BPIFB3: variants seen among roughly 807,000 people sequenced by gnomAD.
BPIFB3 encodes the protein BPI fold containing family B member 3.
Under a neutral mutation model 53.1 loss-of-function variants are expected in BPIFB3, and 49 were observed. The ratio of observed to expected loss-of-function variants is 0.92; its 90% CI spans 0.73 to 1.17. The LOEUF is 1.17. Ranked by LOEUF, BPIFB3 falls within the 50% of genes most tolerant of loss-of-function variation. The pLI, the probability that BPIFB3 is intolerant of heterozygous loss-of-function variation, is 0.00. For missense variants in BPIFB3, 628 were observed against 592.5 expected (o/e 1.06, Z -0.62); for synonymous variants, 271 against 269.6 (o/e 1.01, Z -0.05).
At chr20:33,070,896 T>A (rs1296177893) in intron 11 of BPIFB3, among the ~76,000 whole-genome samples, 1 of 152,068 alleles carries the variant, frequency 6.6e-6, no homozygotes, top group Non-Finnish European at 1.5e-5. Flanking sequence ...CATCAGTGAG[T>A]TGCTGCCTTG....
intron 11 of BPIFB3, among the ~76,000 whole-genome samples, chr20:33,070,969 C>A (rs748055649): frequency 1.3e-5 from 2 of 152,148 alleles, no homozygotes; most frequent in Non-Finnish European, 2.9e-5. Context: ...GAGGTCACTC[C>A]TCTGAATGGT....
At chr20:33,073,748 G>T (rs965048422), downstream of BPIFB3, 12 of 927,704 alleles carry the variant, frequency 1.3e-5, no homozygotes, top group South Asian at 2.0e-4. Context: ...CAAGTTTGGG[G>T]TGGGAACTGC....
chr20:33,069,386 C>T (rs1014179812), intron 10 of BPIFB3, among the ~76,000 whole-genome samples: 2 of 152,170 alleles, frequency 1.3e-5, no homozygotes, highest in African/African-American at 4.8e-5. Context: ...TCCACCTTGG[C>T]TCCCCATGGC....
At chr20:33,067,713 G>A (rs1025281035) in intron 9 of BPIFB3, among the ~76,000 whole-genome samples, 3 of 152,218 alleles carry the variant, frequency 2.0e-5, no homozygotes, top group African/African-American at 7.2e-5. Context: ...GCTGGGGCAG[G>A]GGTATCCAGA....
chr20:33,058,308 T>G (rs1170874079), intron 2 of BPIFB3, among the ~76,000 whole-genome samples: 1 of 152,184 alleles, frequency 6.6e-6, no homozygotes, highest in Non-Finnish European at 1.5e-5. Flanking sequence ...TAAATGCTGA[T>G]GTTGCTCGAG....
intron 9 of BPIFB3, 145 bp from the exon 11 acceptor site, chr20:33,068,658 C>A (rs754328379): frequency 1.2e-5 from 10 of 812,072 alleles, no homozygotes; most frequent in Non-Finnish European, 1.7e-5. Context: ...CTCATGGGGG[C>A]TGAGCCCAGG....
At chr20:33,059,298 C>A in intron 2 of BPIFB3, 80 bp from the exon 4 acceptor site, 2 of 991,812 alleles carry the variant, frequency 2.0e-6, no homozygotes, top group Non-Finnish European at 3.1e-6. Flanking sequence ...AGATAGGGGA[C>A]ACCACCAAGA....
chr20:33,069,285 C>A (rs4911296), intron 10 of BPIFB3, among the ~76,000 whole-genome samples: 58,217 of 151,604 alleles, frequency 0.38, 11,850 homozygotes, highest in East Asian at 0.79. Context: ...CCTGACGACC[C>A]TCCAGCTTCC....
At chr20:33,072,167 G>T in exon 13 of BPIFB3, 5 of 1,614,176 alleles carry the variant, frequency 3.1e-6, no homozygotes, top group Middle Eastern at 1.6e-4. Flanking sequence ...AAAGCTTAAC[G>T]GTATGGCAGG....
intron 12 of BPIFB3, 41 bp from the exon 14 acceptor site, chr20:33,072,063 C>T: frequency 6.2e-7 from 1 of 1,608,630 alleles, no homozygotes; most frequent in Non-Finnish European, 8.5e-7. Context: ...AAAGCCACAC[C>T]CCAGAGCACC....
chr20:33,072,074 AC>A (rs761906522), intron 12 of BPIFB3, 29 bp from the exon 14 acceptor site: 1 of 1,612,724 alleles, frequency 6.2e-7, no homozygotes, highest in South Asian at 1.1e-5. Flanking sequence ...CCAGAGCACC[AC>A]CCCCACCACC....
At chr20:33,055,581 G>A (rs2146378099) in intron 1 of BPIFB3, 34 bp downstream of exon 2, 1 of 1,612,252 alleles carries the variant, frequency 6.2e-7, no homozygotes, top group South Asian at 1.1e-5. Flanking sequence ...TGAGGGGGCT[G>A]CTGCAATGTC....
intron 4 of BPIFB3, among the ~76,000 whole-genome samples, chr20:33,060,737 G>A (rs1294343529): frequency 6.6e-6 from 1 of 152,018 alleles, no homozygotes; most frequent in African/African-American, 2.4e-5. Flanking sequence ...GCTAATTTTT[G>A]TATTTTTAAT....
In BPIFB3 at chr20:33,064,597, G is replaced by A. The variant is rs112391489; in HGVS notation, c.744+49G>A. ...CTCCTGCTGGGGGTGGCTAGATAGG[G>A]GATGCCGGATCAAGGCAGGTGGGTG... On this transcript the variant is annotated intron_variant, in intron 7 of 14. Transcript: ENST00000375494. 7.4e-6 allele frequency: 12 copies of A among 1,612,986 alleles called. No individual in the cohort carries two copies. The African/African-American group carries it at 1.2e-4, about 16-fold the overall frequency.
intron 13 of BPIFB3, among the ~76,000 whole-genome samples, 179 bp from the exon 15 acceptor site, chr20:33,072,538 C>T (rs1306110268): frequency 6.6e-6 from 1 of 152,036 alleles, no homozygotes; most frequent in Non-Finnish European, 1.5e-5. Flanking sequence ...AGAATAGGGA[C>T]ATTTTTGTTT....
chr20:33,073,680 C>A, downstream of BPIFB3: 1 of 1,543,424 alleles, frequency 6.5e-7, no homozygotes, highest in African/African-American at 1.4e-5. Context: ...ATTTCCCTCC[C>A]AGTCTCTAGC....
intron 6 of BPIFB3, among the ~76,000 whole-genome samples, chr20:33,063,909 G>T (rs1275283717): frequency 1.3e-5 from 2 of 152,192 alleles, no homozygotes; most frequent in African/African-American, 4.8e-5. Context: ...GGGTGCTGCA[G>T]ACCAACACTT....
At chr20:33,072,908 A>G in intron 14 of BPIFB3, 115 bp downstream of exon 15, 1 of 914,846 alleles carries the variant, frequency 1.1e-6, no homozygotes, top group East Asian at 2.6e-5. Flanking sequence ...TCCCTGATCC[A>G]TTTTCTAAAT....
upstream of BPIFB3, among the ~76,000 whole-genome samples, chr20:33,054,316 C>A (rs1980106741): frequency 6.6e-6 from 1 of 152,076 alleles, no homozygotes; most frequent in Non-Finnish European, 1.5e-5. Flanking sequence ...CACAACCACG[C>A]ACAGAGGCCT....
Sources: allele counts gnomAD v4.1 joint callset (sites outside exome capture counted in the v4.1 genomes callset), GRCh38; gene constraint gnomAD v4.1.1; transcripts MANE v1.5; gene names NCBI Gene and HGNC (gene_info 2026-07-23, HGNC 2026-07-21).